The following FAM135B variants were observed in gnomAD, a reference collection of about 807,000 sequenced individuals.
FAM135B encodes the protein protein FAM135B.
Under a neutral mutation model 127.7 loss-of-function variants are expected in FAM135B, and 43 were observed. That is an observed-to-expected ratio of 0.34 (90% CI 0.26 to 0.43). The LOEUF (loss-of-function observed/expected upper bound fraction) is 0.43. Among genes scored for constraint, FAM135B ranks in the 20% least tolerant of loss-of-function variants. The probability of loss-of-function intolerance (pLI) is 1.00; values close to 1 mark genes in which losing one functional copy is unlikely to be tolerated. For missense variants in FAM135B, 1,558 were observed against 1,725.6 expected (o/e 0.90, Z 1.72); for synonymous variants, 670 against 665.1 (o/e 1.01, Z -0.11).
chr8:138,341,351 T>A (rs1383166858), intron 2 of FAM135B, among the ~76,000 whole-genome samples: 1 of 152,224 alleles, frequency 6.6e-6, no homozygotes, highest in Non-Finnish European at 1.5e-5. Flanking sequence ...CCTATGAGGT[T>A]CCTTGCATAA....
chr8:138,229,315 T>A lies in FAM135B; in HGVS notation c.669+13627A>T, dbSNP rs74497286. 6.2e-3 allele frequency among the ~76,000 whole-genome samples: 938 copies of A among 152,252 alleles called. 6 individuals are homozygous for A. Among genetic ancestry groups the A allele is most frequent in the African/African-American group, 0.021 (888 of 41,546 alleles). On this transcript the variant is annotated intron_variant, in intron 7 of 19. Transcript: ENST00000395297. ...TGGGCGTGGCATTGGACACCTTCTA[T>A]GATCTGACCCATCTCCCATTAAAGC...
intron 3 of FAM135B, among the ~76,000 whole-genome samples, chr8:138,268,861 G>C (rs960642560): frequency 6.6e-6 from 1 of 152,180 alleles, no homozygotes; most frequent in Non-Finnish European, 1.5e-5. Flanking sequence ...GTGTAGACTA[G>C]AGTCTTCCTA....
At chr8:138,240,418 C>T (rs768553573) in intron 7 of FAM135B, among the ~76,000 whole-genome samples, 8 of 152,196 alleles carry the variant, frequency 5.3e-5, no homozygotes, top group Non-Finnish European at 8.8e-5. Flanking sequence ...CAGAGATGCC[C>T]CTCACTCCAC....
intron 19 of FAM135B, among the ~76,000 whole-genome samples, 166 bp downstream of exon 19, chr8:138,136,981 C>G (rs1816715953): frequency 6.6e-6 from 1 of 152,176 alleles, no homozygotes; most frequent in African/African-American, 2.4e-5. Context: ...AAGGAAGGAT[C>G]TGGCACAGTA....
intron 2 of FAM135B, among the ~76,000 whole-genome samples, chr8:138,340,887 G>C (rs556720104): frequency 6.6e-6 from 1 of 152,088 alleles, no homozygotes; most frequent in South Asian, 2.1e-4. Context: ...CTCAGCCCCC[G>C]CATGCTCTCC....
At chr8:138,249,872 G>A (rs552131983) in intron 6 of FAM135B, among the ~76,000 whole-genome samples, 47 of 152,200 alleles carry the variant, frequency 3.1e-4, no homozygotes, top group Non-Finnish European at 6.3e-4. Flanking sequence ...ATGTGCATGT[G>A]TAATGTTTTG....
chr8:138,293,617 C>T (rs1825274500), intron 3 of FAM135B, among the ~76,000 whole-genome samples: 1 of 151,998 alleles, frequency 6.6e-6, no homozygotes, highest in South Asian at 2.1e-4. Flanking sequence ...AAAGAAGATA[C>T]ACAAATGGCC....
At chr8:138,309,729 T>C (rs1271719847) in intron 3 of FAM135B, among the ~76,000 whole-genome samples, 1 of 152,226 alleles carries the variant, frequency 6.6e-6, no homozygotes, top group Admixed American at 6.5e-5. Flanking sequence ...CCAGTACTCT[T>C]AGCTCTACTG....
intron 7 of FAM135B, among the ~76,000 whole-genome samples, chr8:138,217,824 C>T (rs1374730342): frequency 6.6e-6 from 1 of 152,134 alleles, no homozygotes; most frequent in Non-Finnish European, 1.5e-5. Flanking sequence ...CTGGTCCTTT[C>T]CTTCACGGAG....
intron 2 of FAM135B, among the ~76,000 whole-genome samples, chr8:138,345,199 A>C (rs1200163360): frequency 1.3e-5 from 2 of 152,142 alleles, no homozygotes; most frequent in African/African-American, 2.4e-5. Flanking sequence ...CAAGCCCAGG[A>C]AACAGAGGAG....
chr8:138,472,251 G>T (rs1272179683), intron 1 of FAM135B, among the ~76,000 whole-genome samples: 1 of 152,066 alleles, frequency 6.6e-6, no homozygotes, highest in African/African-American at 2.4e-5. Context: ...AATGAACTGG[G>T]GCTACAATAG....
intron 1 of FAM135B, among the ~76,000 whole-genome samples, chr8:138,465,780 T>C (rs947109253): frequency 4.7e-5 from 6 of 126,502 alleles, no homozygotes; most frequent in Non-Finnish European, 1.1e-4. Context: ...AAGTTTCACC[T>C]GATTTTTTTT....
At chr8:138,171,531 G>C (rs146345408) in intron 11 of FAM135B, among the ~76,000 whole-genome samples, 146 of 152,340 alleles carry the variant, frequency 9.6e-4, no homozygotes, top group African/African-American at 3.4e-3. Context: ...CATATCCCAA[G>C]TGCCTTAGAC....
chr8:138,136,203 G>GA (rs1433075119), intron 19 of FAM135B, among the ~76,000 whole-genome samples: 1 of 151,704 alleles, frequency 6.6e-6, no homozygotes, highest in Non-Finnish European at 1.5e-5. Flanking sequence ...AGATACCAGG[G>GA]AAAATTTGGA....
intron 9 of FAM135B, among the ~76,000 whole-genome samples, chr8:138,189,720 G>T (rs1001699741): frequency 2.0e-5 from 3 of 152,158 alleles, no homozygotes; most frequent in Non-Finnish European, 4.4e-5. Flanking sequence ...AGTGGAGTTT[G>T]CCCCTGCTGG....
At chr8:138,166,064 A>G (rs7819782) in intron 12 of FAM135B, among the ~76,000 whole-genome samples, 111,360 of 152,126 alleles carry the variant, frequency 0.73, 41,644 homozygotes, top group East Asian at 0.98. Context: ...GGCAGAGCAC[A>G]GACTTTGGAA....
intron 12 of FAM135B, among the ~76,000 whole-genome samples, chr8:138,155,831 C>T (rs997980391): frequency 6.6e-6 from 1 of 152,080 alleles, no homozygotes; most frequent in South Asian, 2.1e-4. Context: ...ACTTAGGCTC[C>T]CACACAATAA....
chr8:138,153,924 C>G (rs1301014057), intron 12 of FAM135B, among the ~76,000 whole-genome samples: 1 of 152,204 alleles, frequency 6.6e-6, no homozygotes, highest in African/African-American at 2.4e-5. Flanking sequence ...TGTCTGACAG[C>G]TTTGAAGAGA....
chr8:138,219,197 CT>C (rs1818827730), intron 7 of FAM135B, among the ~76,000 whole-genome samples: 1 of 152,108 alleles, frequency 6.6e-6, no homozygotes, highest in South Asian at 2.1e-4. Context: ...ATGATAGAAA[CT>C]GTAAAATATA....
Sources: gnomAD v4.1 joint callset for allele counts (sites outside exome capture counted in the v4.1 genomes callset) on GRCh38, gnomAD v4.1.1 for gene constraint, MANE v1.5 for transcripts, NCBI Gene and HGNC (gene_info 2026-07-23, HGNC 2026-07-21) for gene names.